The following HS3ST4 variants were observed in gnomAD, a reference collection of about 807,000 sequenced individuals.
HS3ST4 encodes heparan sulfate glucosamine 3-O-sulfotransferase 4.
Under a neutral mutation model 29.2 loss-of-function variants are expected in HS3ST4, and 17 were observed. The observed-to-expected ratio is 0.58, with a 90% CI of 0.40 to 0.87. The LOEUF (loss-of-function observed/expected upper bound fraction) is 0.87, where lower values mean the gene tolerates loss of function less well. Ranked by LOEUF, HS3ST4 falls within the 40% of genes least tolerant of loss-of-function variation. The pLI is 0.00. For synonymous variants in HS3ST4, 314 were observed against 285.7 expected, an observed-to-expected ratio of 1.10 and a Z score of -1.00; for missense variants, 627 against 634.5, an observed-to-expected ratio of 0.99 and a Z score of 0.13.
intron 1 of HS3ST4, among the ~76,000 whole-genome samples, chr16:26,001,139 C>T (rs1969208349): frequency 6.6e-6 from 1 of 151,954 alleles, no homozygotes; most frequent in Non-Finnish European, 1.5e-5. Context: ...TATTTTAAGT[C>T]AATTTACAAT....
chr16:25,967,660 A>T (rs1373696070), intron 1 of HS3ST4, among the ~76,000 whole-genome samples: 1 of 152,140 alleles, frequency 6.6e-6, no homozygotes, highest in Non-Finnish European at 1.5e-5. Flanking sequence ...TAAGGTTATC[A>T]CTAGTTTGCC....
chr16:25,867,733 G>T (rs72780751), intron 1 of HS3ST4, among the ~76,000 whole-genome samples: 3 of 152,076 alleles, frequency 2.0e-5, no homozygotes, highest in Non-Finnish European at 4.4e-5. Flanking sequence ...AATGATGCAG[G>T]TTGAAGGAAT....
intron 1 of HS3ST4, among the ~76,000 whole-genome samples, chr16:25,991,222 A>G (rs1969110886): frequency 6.6e-6 from 1 of 152,260 alleles, no homozygotes; most frequent in Non-Finnish European, 1.5e-5. Context: ...GTTTATATGC[A>G]GGATACTAAA....
chr16:25,805,181 T>A (rs886954812), intron 1 of HS3ST4, among the ~76,000 whole-genome samples: 4 of 152,148 alleles, frequency 2.6e-5, no homozygotes, highest in East Asian at 1.9e-4. Context: ...AGGATTATAA[T>A]CCCAGATGCA....
At chr16:25,768,125 G>A (rs554744256) in intron 1 of HS3ST4, among the ~76,000 whole-genome samples, 1 of 152,170 alleles carries the variant, frequency 6.6e-6, no homozygotes, top group Non-Finnish European at 1.5e-5. Context: ...CTGGGGCGGA[G>A]CAAGATGCAG....
intron 1 of HS3ST4, among the ~76,000 whole-genome samples, chr16:25,838,176 G>T (rs1440114598): frequency 6.6e-6 from 1 of 152,168 alleles, no homozygotes; most frequent in Admixed American, 6.5e-5. Context: ...CTGGAATCGT[G>T]TATCCTACTT....
At chr16:25,941,603 G>A (rs1010287989) in intron 1 of HS3ST4, among the ~76,000 whole-genome samples, 1 of 152,044 alleles carries the variant, frequency 6.6e-6, no homozygotes, top group Non-Finnish European at 1.5e-5. Context: ...TTGAGACGGA[G>A]TCTTGCTCTG....
intron 1 of HS3ST4, among the ~76,000 whole-genome samples, chr16:26,123,965 G>A (rs1596690060): frequency 6.6e-6 from 1 of 150,630 alleles, no homozygotes; most frequent in African/African-American, 2.5e-5. Flanking sequence ...TTGTTGTCCA[G>A]ACTGGAGTGC....
intron 1 of HS3ST4, among the ~76,000 whole-genome samples, chr16:25,977,549 T>C (rs1968955687): frequency 6.6e-6 from 1 of 152,176 alleles, no homozygotes; most frequent in South Asian, 2.1e-4. Flanking sequence ...TAATATCCAA[T>C]CCAAAGTTTC....
intron 1 of HS3ST4, among the ~76,000 whole-genome samples, chr16:25,753,472 C>T (rs753014755): frequency 6.6e-5 from 10 of 152,074 alleles, no homozygotes; most frequent in South Asian, 2.1e-4. Flanking sequence ...TTAGTTTGTG[C>T]GAGATACTGT....
At chr16:25,944,955 G>C (rs374751626) in intron 1 of HS3ST4, among the ~76,000 whole-genome samples, 1 of 151,992 alleles carries the variant, frequency 6.6e-6, no homozygotes, top group Non-Finnish European at 1.5e-5. Context: ...TGAACAACTC[G>C]ACTTTAAAAA....
intron 1 of HS3ST4, among the ~76,000 whole-genome samples, chr16:25,938,183 G>A (rs946797674): frequency 6.6e-6 from 1 of 152,076 alleles, no homozygotes; most frequent in African/African-American, 2.4e-5. Context: ...AGGACAGCTG[G>A]GCCCAGCAAG....
intron 1 of HS3ST4, among the ~76,000 whole-genome samples, chr16:26,036,815 A>G (rs1232455298): frequency 2.0e-5 from 3 of 152,226 alleles, no homozygotes; most frequent in African/African-American, 4.8e-5. Context: ...ACTATCTAGA[A>G]CAAAAGGAAA....
Position 25,901,645 on chromosome 16 carries a change from T to C in HS3ST4, c.734+208494T>C, listed in dbSNP as rs531022112. Among the ~76,000 whole-genome samples, 106 of 152,174 alleles carry C rather than the reference T, an allele frequency of 7.0e-4. 1 individual carries two copies. Among genetic ancestry groups the C allele is most frequent in the African/African-American group, 2.4e-3 (101 of 41,526 alleles). On this transcript the variant is annotated intron_variant, in intron 1 of 1. Coordinates refer to ENST00000331351, the MANE Select transcript of HS3ST4 (RefSeq NM_006040.3). Reference sequence around the variant, plus strand: ...GCCGAGATCGTGCCACTGCACTCCATCCTGGGTGACAGAGCGAGACTCTGT... The same window carrying C: ...GCCGAGATCGTGCCACTGCACTCCACCCTGGGTGACAGAGCGAGACTCTGT...
chr16:25,867,265 C>T (rs1284106307), intron 1 of HS3ST4, among the ~76,000 whole-genome samples: 1 of 152,100 alleles, frequency 6.6e-6, no homozygotes, highest in East Asian at 1.9e-4. Flanking sequence ...AAGGAGAATT[C>T]AGAAAGGATG....
chr16:25,843,908 G>T (rs1967439680), intron 1 of HS3ST4, among the ~76,000 whole-genome samples: 1 of 152,130 alleles, frequency 6.6e-6, no homozygotes, highest in Admixed American at 6.6e-5. Flanking sequence ...GGTTTTGAAT[G>T]GCCTCTCTCA....
chr16:25,936,098 C>A (rs768573058), intron 1 of HS3ST4, among the ~76,000 whole-genome samples: 15 of 152,122 alleles, frequency 9.9e-5, no homozygotes, highest in Non-Finnish European at 1.8e-4. Flanking sequence ...TTGACTTCTG[C>A]TGAGCAACTG....
intron 1 of HS3ST4, among the ~76,000 whole-genome samples, chr16:25,870,622 G>T (rs1442758905): frequency 6.8e-6 from 1 of 147,932 alleles, no homozygotes; most frequent in Admixed American, 6.6e-5. Flanking sequence ...TTGGACCATT[G>T]TGAGACTTTT....
chr16:25,745,168 A>T (rs919244828), intron 1 of HS3ST4, among the ~76,000 whole-genome samples: 1 of 152,118 alleles, frequency 6.6e-6, no homozygotes, highest in African/African-American at 2.4e-5. Flanking sequence ...TTGGCTGGGT[A>T]ATTACATACC....
Sources: gnomAD v4.1 joint callset for allele counts (sites outside exome capture counted in the v4.1 genomes callset) on GRCh38, gnomAD v4.1.1 for gene constraint, MANE v1.5 for transcripts, NCBI Gene and HGNC (gene_info 2026-07-23, HGNC 2026-07-21) for gene names.